ARK2N: variants seen among roughly 807,000 people sequenced by gnomAD.
The protein encoded by ARK2N is protein ARK2N.
At chr18:46,188,122 C>T in the ARK2N span, among the ~76,000 whole-genome samples, 6 of 152,096 alleles carry the variant, frequency 3.9e-5, no homozygotes, top group African/African-American at 1.4e-4. Context: ...TTTATGATGC[C>T]TTGGCAGATA....
the ARK2N span, among the ~76,000 whole-genome samples, chr18:46,192,340 A>G: frequency 0.017 from 2,650 of 152,062 alleles, 71 homozygotes; most frequent in African/African-American, 0.06. Context: ...ATGGGAGGCT[A>G]AGGTGGGCAG....
At chr18:46,219,531 G>A in the ARK2N span, among the ~76,000 whole-genome samples, 27 of 150,810 alleles carry the variant, frequency 1.8e-4, no homozygotes, top group Middle Eastern at 3.4e-3. Flanking sequence ...GTGCAGTGGC[G>A]CGATCTCTGC....
the ARK2N span, among the ~76,000 whole-genome samples, chr18:46,237,414 G>A: frequency 8.2e-5 from 12 of 145,810 alleles, no homozygotes; most frequent in East Asian, 2.2e-3. Flanking sequence ...TTGAGGCAGA[G>A]CCTTGATCTG....
the ARK2N span, among the ~76,000 whole-genome samples, chr18:46,181,267 T>C: frequency 6.7e-6 from 1 of 149,576 alleles, no homozygotes; most frequent in Non-Finnish European, 1.5e-5. Context: ...TCTCGGGAGG[T>C]GGGGGGGGAA....
At chr18:46,245,119 A>T in the ARK2N span, among the ~76,000 whole-genome samples, 1 of 151,834 alleles carries the variant, frequency 6.6e-6, no homozygotes, top group East Asian at 1.9e-4. Context: ...TTTAGTAGAG[A>T]TGGGGTTTCA....
the ARK2N span, among the ~76,000 whole-genome samples, chr18:46,252,381 A>G: frequency 3.4e-4 from 51 of 152,016 alleles, no homozygotes; most frequent in East Asian, 9.4e-3. Context: ...GGTTCAAGCA[A>G]TTCTCTATCC....
chr18:46,211,671 T>C, the ARK2N span, among the ~76,000 whole-genome samples: 1 of 151,958 alleles, frequency 6.6e-6, no homozygotes, highest in Non-Finnish European at 1.5e-5. Flanking sequence ...ATGTAAGATA[T>C]TAGGGAAATG....
At chr18:46,179,936 T>G in the ARK2N span, among the ~76,000 whole-genome samples, 1 of 152,110 alleles carries the variant, frequency 6.6e-6, no homozygotes, top group Non-Finnish European at 1.5e-5. Flanking sequence ...AAAGTTCTCT[T>G]CTATATTCCT....
At chr18:46,261,831 T>G in the ARK2N span, among the ~76,000 whole-genome samples, 6 of 152,158 alleles carry the variant, frequency 3.9e-5, no homozygotes, top group African/African-American at 1.4e-4. Flanking sequence ...GTAGGGCATG[T>G]TTGCAGGAGT....
the ARK2N span, among the ~76,000 whole-genome samples, chr18:46,202,648 C>T: frequency 1.1e-4 from 17 of 151,914 alleles, no homozygotes; most frequent in Admixed American, 2.6e-4. Context: ...ATTAGCTGGG[C>T]GTAGTGGCGG....
At chr18:46,192,882 T>TGA in the ARK2N span, among the ~76,000 whole-genome samples, 1 of 58,904 alleles carries the variant, frequency 1.7e-5, no homozygotes, top group Non-Finnish European at 3.9e-5. Flanking sequence ...TGAGACTGTC[T>TGA]CAAAAAAAAA....
the ARK2N span, among the ~76,000 whole-genome samples, chr18:46,223,178 C>G: frequency 3.9e-4 from 59 of 152,162 alleles, no homozygotes; most frequent in Non-Finnish European, 1.5e-5. Flanking sequence ...TTAAGTTTGC[C>G]CAGCACTTAT....
the ARK2N span, among the ~76,000 whole-genome samples, chr18:46,178,389 T>C: frequency 4.6e-5 from 7 of 152,216 alleles, no homozygotes; most frequent in Non-Finnish European, 1.0e-4. Flanking sequence ...CTCCGCTCAC[T>C]GCAATCTCCA....
chr18:46,204,871 C>T, the ARK2N span, among the ~76,000 whole-genome samples: 2 of 151,638 alleles, frequency 1.3e-5, no homozygotes, highest in South Asian at 2.1e-4. Context: ...TTAGGAAGGA[C>T]GATACAGTTT....
At chr18:46,248,884 C>G in the ARK2N span, among the ~76,000 whole-genome samples, 2 of 152,016 alleles carry the variant, frequency 1.3e-5, no homozygotes, top group Admixed American at 6.5e-5. Flanking sequence ...CGCCTGGCCT[C>G]TATACTCTTA....
chr18:46,206,401 A>G, the ARK2N span, among the ~76,000 whole-genome samples: 2 of 151,706 alleles, frequency 1.3e-5, no homozygotes, highest in African/African-American at 2.4e-5. Flanking sequence ...CAAACTTTTT[A>G]CTCTTCCTGT....
the ARK2N span, among the ~76,000 whole-genome samples, chr18:46,187,789 T>C: frequency 6.6e-6 from 1 of 152,232 alleles, no homozygotes; most frequent in Non-Finnish European, 1.5e-5. Context: ...ACATAATTTT[T>C]GAATAATAGA....
the ARK2N span, among the ~76,000 whole-genome samples, chr18:46,224,740 AAT>A: frequency 6.6e-6 from 1 of 152,210 alleles, no homozygotes; most frequent in Non-Finnish European, 1.5e-5. Context: ...GAAAAATGAT[AAT>A]GTTAGTCATT....
At chr18:46,259,882 C>CGT in the ARK2N span, among the ~76,000 whole-genome samples, 1 of 39,322 alleles carries the variant, frequency 2.5e-5, no homozygotes, top group Non-Finnish European at 6.4e-5. Context: ...GTGATCCTCC[C>CGT]GTCTGTGTGT....
Sources: allele counts gnomAD v4.1 joint callset (sites outside exome capture counted in the v4.1 genomes callset), GRCh38; gene constraint gnomAD v4.1.1; transcripts MANE v1.5; gene names NCBI Gene and HGNC (gene_info 2026-07-23, HGNC 2026-07-21).